Variants in EMILIN2 observed in about 807,000 individuals in gnomAD.
EMILIN2 encodes the protein EMILIN-2.
In EMILIN2, 71 loss-of-function variants were observed where a neutral mutation model predicts 87.1. The observed-to-expected ratio is 0.82, with a 90% CI of 0.67 to 0.99. The LOEUF (loss-of-function observed/expected upper bound fraction) is 0.99. EMILIN2 is among the 50% of genes least tolerant of loss of function. EMILIN2 has a pLI of 0.00. For synonymous variants in EMILIN2, 581 were observed against 563.4 expected, an observed-to-expected ratio of 1.03 and a Z score of -0.44; for missense variants, 1,407 against 1,371.8, an observed-to-expected ratio of 1.03 and a Z score of -0.40.
rs2076932712 is a variant in EMILIN2, at chr18:2,909,840, G to C, written c.2824+21G>C. On this transcript the variant is annotated intron_variant, in intron 7 of 7. Coordinates refer to ENST00000254528, the MANE Select transcript of EMILIN2 (RefSeq NM_032048.3). ...CACCGGTGAGTGTTTGAACGGAACT[G>C]GTACTGTGTCCTCCTCCTACCCCAA... is the stretch of plus-strand genomic sequence containing the variant. 1.9e-6 allele frequency: 3 copies of C among 1,609,578 alleles called. No homozygotes were observed. The African/African-American group carries it at 4.0e-5, about 22-fold the overall frequency.
At chr18:2,876,698 G>A (rs1033224754) in intron 2 of EMILIN2, among the ~76,000 whole-genome samples, 12 of 151,598 alleles carry the variant, frequency 7.9e-5, no homozygotes, top group East Asian at 3.9e-4. Flanking sequence ...CCCGGGAGGC[G>A]GAGCTTGCAG....
chr18:2,880,659 G>A lies in EMILIN2; in HGVS notation c.258-4305G>A, dbSNP rs530911876. Among the ~76,000 whole-genome samples, 10 of 152,326 alleles carry A rather than the reference G, an allele frequency of 6.6e-5. No homozygotes were observed. In the East Asian group the frequency reaches 1.5e-3, roughly 24 times the overall value. ...CTTTTCCTCTGGCTGCGGGTCCCTCGGCTTGGCCACCCCCACACTGCAGTT... is the reference window on the plus strand; with the variant it reads ...CTTTTCCTCTGGCTGCGGGTCCCTCAGCTTGGCCACCCCCACACTGCAGTT... On this transcript the variant is annotated intron_variant, in intron 2 of 7. Coordinates refer to ENST00000254528, the MANE Select transcript of EMILIN2 (RefSeq NM_032048.3). The surrounding 1 kb of genome is among the most constrained non-coding windows in gnomAD (Gnocchi z 4.1).
chr18:2,906,861 G>A lies in EMILIN2; in HGVS notation c.2438G>A (p.Gly813Asp). The A allele has an allele frequency of 7.3e-7, 1 of 1,366,636 alleles. No individual in the cohort carries two copies. The highest frequency in any genetic ancestry group is 1.7e-5 in the South Asian group (1 of 58,598). The allele number at this position is 1,366,636 out of a possible 1,614,324, so 84.7% of individuals were successfully genotyped here. ...GAGCCCGCCCCGCCGAGGCCCAGCG[G>A]CCCCGCAACCGCAGAGGACCCTGGG... ...QPEPAPPRPS[G>D]PATAEDPGRR... Residue 813 changes from glycine to aspartate, a missense_variant, in exon 5 of 8, where the codon GGC (glycine) becomes GAC (aspartate). By Grantham distance (94) the Gly-to-Asp change is moderately conservative. Coordinates refer to ENST00000254528, the MANE Select transcript of EMILIN2 (RefSeq NM_032048.3).
chr18:2,909,008 G>C, intron 6 of EMILIN2, 33 bp downstream of exon 6: 1 of 1,612,580 alleles, frequency 6.2e-7, no homozygotes. Flanking sequence ...AGCAGGAGGA[G>C]CGGTCTCCTT....
intron 2 of EMILIN2, among the ~76,000 whole-genome samples, chr18:2,873,490 G>T (rs1030360426): frequency 6.6e-6 from 1 of 151,780 alleles, no homozygotes; most frequent in African/African-American, 2.4e-5. Context: ...GGTGGATCAC[G>T]AGGTCAGGAG....
At chr18:2,871,484 G>C (rs1598490625) in intron 2 of EMILIN2, among the ~76,000 whole-genome samples, 1 of 152,236 alleles carries the variant, frequency 6.6e-6, no homozygotes, top group Non-Finnish European at 1.5e-5. Context: ...ACTCACTCAG[G>C]AGACTGGCAG....
rs2076953468 is a variant in EMILIN2, at chr18:2,913,654, G to T, written c.*250G>T. 1 of 477,316 alleles carries T rather than the reference G, an allele frequency of 2.1e-6. No individual in the cohort carries two copies. Among genetic ancestry groups the T allele is most frequent in the Admixed American group, 4.0e-5 (1 of 25,298 alleles). The allele number at this position is 477,316 out of a possible 1,614,324, so 29.6% of individuals were successfully genotyped here. On this transcript the variant is annotated 3_prime_UTR_variant, in exon 8 of 8. Transcript: ENST00000254528. ...ACTGGACAACTGGAAGACTTGGAAA[G>T]GCCTCCACCTGTATCTACACTCTGA...
chr18:2,913,663 CT>C lies in EMILIN2; in HGVS notation c.*260del. ...CTGGAAGACTTGGAAAGGCCTCCAC[CT>C]GTATCTACACTCTGAGGGCCCTGGA... On this transcript the variant is annotated 3_prime_UTR_variant, in exon 8 of 8. Coordinates refer to ENST00000254528, the MANE Select transcript of EMILIN2 (RefSeq NM_032048.3). 1 of 458,664 alleles carries C rather than the reference CT, an allele frequency of 2.2e-6. No individual in the cohort carries two copies. The highest frequency in any genetic ancestry group is 2.7e-5 in the South Asian group (1 of 36,912). 28.4% of individuals were successfully genotyped at this position (458,664 alleles called of 1,614,324 possible). A position where few individuals can be genotyped will look rare whatever the true frequency, so the allele number is the denominator to read the frequency against.
At chr18:2,867,899 G>C (rs2076695173) in intron 2 of EMILIN2, among the ~76,000 whole-genome samples, 1 of 152,196 alleles carries the variant, frequency 6.6e-6, no homozygotes. Context: ...GCCGGGCAGA[G>C]GGGCTCCTCA....
chr18:2,851,791 C>T (rs2076602954), intron 2 of EMILIN2, among the ~76,000 whole-genome samples: 1 of 152,196 alleles, frequency 6.6e-6, no homozygotes, highest in African/African-American at 2.4e-5. Context: ...TTTTCTGATA[C>T]TATAAAGTAC....
At chr18:2,905,192 C>T (rs1159750210) in intron 4 of EMILIN2, among the ~76,000 whole-genome samples, 1 of 145,314 alleles carries the variant, frequency 6.9e-6, no homozygotes, top group Non-Finnish European at 1.5e-5. Context: ...AGAGTAATCA[C>T]TCAAATTGTT....
Position 2,909,769 on chromosome 18 carries a change from T to C in EMILIN2, c.2774T>C (p.Leu925Pro). ...KPFPSDGGVV[L>P]FNKVLVNDGD... ...TTCCCCAGTGATGGGGGCGTTGTCC[T>C]CTTTAACAAAGTGCTGGTGAACGAC... Residue 925 changes from leucine (L) to proline (P), a missense_variant, in exon 7 of 8, where the codon CTC becomes CCC. Leu to Pro is a moderately conservative substitution (Grantham distance 98). Transcript: ENST00000254528. 3 of 1,613,088 alleles carry C rather than the reference T, an allele frequency of 1.9e-6. No individual in the cohort carries two copies. Among genetic ancestry groups the C allele is most frequent in the Non-Finnish European group, 2.5e-6 (3 of 1,179,678 alleles).
intron 2 of EMILIN2, among the ~76,000 whole-genome samples, chr18:2,864,911 C>T (rs368951418): frequency 2.0e-5 from 3 of 152,108 alleles, no homozygotes; most frequent in East Asian, 1.9e-4. Flanking sequence ...AGGCTTTGTT[C>T]GTTTCTTTTT....
In EMILIN2 at chr18:2,909,764, T is replaced by C. The variant is rs1253559649; in HGVS notation, c.2769T>C (p.Val923=). 1.2e-6 allele frequency: 2 copies of C among 1,612,946 alleles called. No individual in the cohort carries two copies. The highest frequency in any genetic ancestry group is 1.7e-5 in the Admixed American group (1 of 59,568). ...TQKPFPSDGG[V]VLFNKVLVND... ...AGCCTTTCCCCAGTGATGGGGGCGT[T>C]GTCCTCTTTAACAAAGTGCTGGTGA... The change falls in exon 7 of 8, where the codon GTT becomes GTC. Residue 923 remains valine (V), a synonymous_variant. Coordinates refer to ENST00000254528, the MANE Select transcript of EMILIN2 (RefSeq NM_032048.3).
rs1013784678 is a variant in EMILIN2 at position 2,884,956 on chromosome 18, G to C, written c.258-8G>C. ...AGTAAAGAGAGATGCCATCCCTTCT[G>C]TCCACAGGTATCGAGTGAACTTCAG... On this transcript the variant is annotated splice_region_variant and splice_polypyrimidine_tract_variant and intron_variant, in intron 2 of 7. Transcript: ENST00000254528. The C allele has an allele frequency of 2.5e-6, 4 of 1,590,562 alleles. No homozygotes were observed. Among genetic ancestry groups the C allele is most frequent in the Non-Finnish European group, 3.4e-6 (4 of 1,167,336 alleles).
intron 5 of EMILIN2, among the ~76,000 whole-genome samples, chr18:2,907,532 AG>A (rs1165537575): frequency 2.3e-4 from 35 of 152,304 alleles, no homozygotes; most frequent in African/African-American, 7.9e-4. Flanking sequence ...CCACAAAATG[AG>A]GAGAGTGCAG....
intron 2 of EMILIN2, among the ~76,000 whole-genome samples, chr18:2,865,622 TG>T (rs2076682693): frequency 6.6e-6 from 1 of 152,316 alleles, no homozygotes; most frequent in South Asian, 2.1e-4. Context: ...CTGCCCCTAC[TG>T]GGGGGTGCCT....
Position 2,890,698 on chromosome 18 carries a change from G to T in EMILIN2, c.571G>T (p.Val191Phe), listed in dbSNP as rs749893470. The change falls in exon 4 of 8, where the codon GTT becomes TTT. Residue 191 changes from valine to phenylalanine, a missense_variant. Val to Phe is a conservative substitution (Grantham distance 50, BLOSUM62 -1). Coordinates refer to ENST00000254528, the MANE Select transcript of EMILIN2 (RefSeq NM_032048.3). The surrounding 1 kb of genome is among the most constrained non-coding windows in gnomAD (Gnocchi z 4.7). ...EKKIQVLEEK[V>F]LRLTRTVLDL... The stretch of plus-strand genomic sequence containing the variant: ...GAAGATACAGGTGCTAGAGGAGAAG[G>T]TTCTTCGACTCACAAGGACGGTTCT... 1.5e-5 allele frequency: 25 copies of T among 1,614,032 alleles called. No individual in the cohort carries two copies. Among genetic ancestry groups the T allele is most frequent in the Admixed American group, 3.3e-5 (2 of 59,990 alleles).
chr18:2,881,829 C>G (rs555557155), intron 2 of EMILIN2, among the ~76,000 whole-genome samples: 1 of 152,352 alleles, frequency 6.6e-6, no homozygotes, highest in East Asian at 1.9e-4. Context: ...GCTTTCTTCC[C>G]TTTTTACATT....
Sources: gnomAD v4.1 joint callset for allele counts (sites outside exome capture counted in the v4.1 genomes callset) on GRCh38, gnomAD v4.1.1 for gene constraint, Gnocchi (gnomAD v3.1) non-coding constraint, MANE v1.5 for transcripts, NCBI Gene and HGNC (gene_info 2026-07-23, HGNC 2026-07-21) for gene names.